NLRP4: variants seen among roughly 807,000 people sequenced by gnomAD.
The protein encoded by NLRP4 is NACHT, LRR and PYD domains-containing protein 4.
Under a neutral mutation model 84.7 loss-of-function variants are expected in NLRP4, and 44 were observed. That is an observed-to-expected ratio of 0.52 (90% CI 0.41 to 0.67). The LOEUF (loss-of-function observed/expected upper bound fraction) is 0.67, where lower values mean the gene tolerates loss of function less well. NLRP4 is among the 30% of genes least tolerant of loss of function. The pLI, the probability that NLRP4 is intolerant of heterozygous loss-of-function variation, is 0.00. For synonymous variants in NLRP4, 544 were observed against 476.4 expected (o/e 1.14, Z -1.85); for missense variants, 1,260 against 1,219.4 (o/e 1.03, Z -0.50).
chr19:55,849,994 A>G lies in NLRP4; in HGVS notation c.-65-2022A>G, dbSNP rs201288679. ...CCGTAGCTGCGGTGTAATTTCCGAG[A>G]CTGCGGTGTGATTTCCGAGACTGCG... On this transcript the variant is annotated intron_variant, in intron 1 of 9. Coordinates refer to ENST00000301295, the MANE Select transcript of NLRP4 (RefSeq NM_134444.5). Among the ~76,000 whole-genome samples the G allele has an allele frequency of 6.8e-3, 69 of 10,200 alleles. 3 individuals carry two copies. The highest frequency in any genetic ancestry group is 0.05 in the South Asian group (19 of 380). 6.7% of individuals were successfully genotyped at this position (10,200 alleles called of 152,430 possible).
chr19:55,877,035 C>T lies in NLRP4; in HGVS notation c.2565C>T (p.Asp855=), dbSNP rs1985398857. The T allele has an allele frequency of 1.2e-6, 2 of 1,613,844 alleles. No individual in the cohort carries two copies. Among genetic ancestry groups the T allele is most frequent in the African/African-American group, 1.3e-5 (1 of 74,894 alleles). Residue 855 remains aspartate, a synonymous_variant, in exon 8 of 10, where the codon GAC becomes GAT. Transcript: ENST00000301295. ...TTATCACTGCTGCTGGCTGTGAAGA[C>T]CTCGCCTCTGCTCTCATCAGCAATC... The part of the protein sequence containing the change: ...KCFITAAGCE[D]LASALISNQN...
At chr19:55,842,739 A>C (rs1983657731) in intron 1 of NLRP4, among the ~76,000 whole-genome samples, 1 of 150,964 alleles carries the variant, frequency 6.6e-6, no homozygotes, top group South Asian at 2.1e-4. Context: ...TTATCTGCAA[A>C]TGTCTACTTT....
intron 8 of NLRP4, among the ~76,000 whole-genome samples, chr19:55,878,122 T>G (rs1985438489): frequency 6.6e-6 from 1 of 152,184 alleles, no homozygotes; most frequent in Non-Finnish European, 1.5e-5. Flanking sequence ...CCATAAAAAT[T>G]AGCCAGGCGT....
intron 1 of NLRP4, among the ~76,000 whole-genome samples, chr19:55,849,264 G>C (rs1240154942): frequency 6.6e-6 from 1 of 152,158 alleles, no homozygotes; most frequent in African/African-American, 2.4e-5. Flanking sequence ...AGTGGTCTTA[G>C]AAACCAAGAG....
chr19:55,846,027 A>C (rs996744684), intron 1 of NLRP4, among the ~76,000 whole-genome samples: 1 of 152,154 alleles, frequency 6.6e-6, no homozygotes, highest in Non-Finnish European at 1.5e-5. Flanking sequence ...CTTTAGTTTA[A>C]TTAGATCCCA....
intron 6 of NLRP4, among the ~76,000 whole-genome samples, chr19:55,869,705 C>A (rs936967184): frequency 6.6e-6 from 1 of 152,004 alleles, no homozygotes; most frequent in Non-Finnish European, 1.5e-5. Flanking sequence ...ATATGTGGTT[C>A]GTTCATCACT....
At chr19:55,839,316 T>TGTGTGTGTGTGTGTGTGTGTGTGC (rs1418352680) in intron 1 of NLRP4, among the ~76,000 whole-genome samples, 3 of 152,126 alleles carry the variant, frequency 2.0e-5, no homozygotes, top group African/African-American at 7.2e-5. Context: ...TGAGTGTGTG[T>TGTGTGTGTGTGTGTGTGTGTGTGC]GTGTGCTCTT....
intron 1 of NLRP4, among the ~76,000 whole-genome samples, chr19:55,851,769 A>G (rs940542341): frequency 4.0e-5 from 6 of 151,252 alleles, no homozygotes; most frequent in African/African-American, 1.5e-4. Context: ...TAAAGTCTAT[A>G]TTTGCCTGGA....
At chr19:55,872,023 T>C (rs1282521045) in intron 7 of NLRP4, among the ~76,000 whole-genome samples, 1 of 151,980 alleles carries the variant, frequency 6.6e-6, no homozygotes, top group Non-Finnish European at 1.5e-5. Flanking sequence ...AATTTTTTTG[T>C]ATTTTTAGTA....
rs762952821 is a variant in NLRP4, at chr19:55,852,240, G to A, written c.160G>A (p.Glu54Lys). 6.2e-6 allele frequency: 10 copies of A among 1,609,756 alleles called. No homozygotes were observed. Among genetic ancestry groups the A allele is most frequent in the Non-Finnish European group, 7.6e-6 (9 of 1,178,878 alleles). The change falls in exon 2 of 10, where the codon GAA (glutamate) becomes AAA (lysine). Residue 54 changes from glutamate to lysine, a missense_variant. By Grantham distance (56) the Glu-to-Lys change is moderately conservative (BLOSUM62 1). Coordinates refer to ENST00000301295, the MANE Select transcript of NLRP4 (RefSeq NM_134444.5). ...TGAGGTCAAAAAAGCATCCCGGGAA[G>A]AACTTGCAAACCTCTTGATCAAGCA... ...WTEVKKASRE[E>K]LANLLIKHYE... is the part of the protein sequence containing the mutation.
At chr19:55,876,226 GGATAGACC>G (rs1428723527) in intron 7 of NLRP4, among the ~76,000 whole-genome samples, 2 of 152,150 alleles carry the variant, frequency 1.3e-5, no homozygotes, top group African/African-American at 4.8e-5. Context: ...TGCAGAGAGA[GGATAGACC>G]TCCAACAAAC....
At chr19:55,878,740 C>G in intron 8 of NLRP4, 54 bp from the exon 9 acceptor site, 1 of 1,519,672 alleles carries the variant, frequency 6.6e-7, no homozygotes, top group Non-Finnish European at 8.9e-7. Flanking sequence ...ACATCCCATC[C>G]TACCTCCACC....
At chr19:55,844,007 C>G (rs954721287) in intron 1 of NLRP4, among the ~76,000 whole-genome samples, 1 of 152,116 alleles carries the variant, frequency 6.6e-6, no homozygotes, top group Admixed American at 6.5e-5. Flanking sequence ...GATACTAACA[C>G]ATTGTATTAG....
intron 1 of NLRP4, among the ~76,000 whole-genome samples, chr19:55,848,747 T>A (rs1983900948): frequency 6.6e-6 from 1 of 152,192 alleles, no homozygotes; most frequent in South Asian, 2.1e-4. Flanking sequence ...ACCCACATGA[T>A]ACGGTTTGGC....
At position 55,845,026 on chromosome 19, in the gene NLRP4, C is replaced by CT. The variant is rs1293520595; in HGVS notation, c.-65-6982dup. Among the ~76,000 whole-genome samples, 9 of 151,980 alleles carry CT rather than the reference C, an allele frequency of 5.9e-5. No individual in the cohort carries two copies. In the South Asian group the frequency reaches 1.5e-3, roughly 25 times the overall value. On this transcript the variant is annotated intron_variant, in intron 1 of 9. Transcript: ENST00000301295. ...TTTCAGCCTGTGGCAAGAGGCTACA[C>CT]TTTTTTTTAATTATTATACTTTAAG... is the stretch of plus-strand genomic sequence containing the variant.
In NLRP4 at chr19:55,858,916, A is replaced by G. The variant is rs1308306446; in HGVS notation, c.1523A>G (p.Asn508Ser). 11 of 1,613,960 alleles carry G rather than the reference A, an allele frequency of 6.8e-6. No individual in the cohort carries two copies. The highest frequency in any genetic ancestry group is 1.3e-5 in the African/African-American group (1 of 74,916). Reference sequence around the variant, plus strand: ...GGGTGTTTTCTAACTGGCCTTTTAAATAAAAAGGAACAAGAAAAACTGGAT... The same window carrying G: ...GGGTGTTTTCTAACTGGCCTTTTAAGTAAAAAGGAACAAGAAAAACTGGAT... ...FLGCFLTGLL[N>S]KKEQEKLDAF... Residue 508 changes from asparagine (N) to serine (S), a missense_variant, in exon 3 of 10, where the codon AAT (asparagine) becomes AGT (serine). Coordinates refer to ENST00000301295, the MANE Select transcript of NLRP4 (RefSeq NM_134444.5). The surrounding 1 kb of genome is among the most constrained non-coding windows in gnomAD (Gnocchi z 4.2).
intron 7 of NLRP4, among the ~76,000 whole-genome samples, chr19:55,875,668 TGAAAA>T (rs905416111): frequency 6.6e-6 from 1 of 152,150 alleles, no homozygotes; most frequent in African/African-American, 2.4e-5. Context: ...GAGTTGAACT[TGAAAA>T]GTAAATTTTA....
chr19:55,852,593 C>T (rs1193150325), intron 2 of NLRP4, among the ~76,000 whole-genome samples: 1 of 151,582 alleles, frequency 6.6e-6, no homozygotes, highest in Non-Finnish European at 1.5e-5. Flanking sequence ...TCTCCTGCCT[C>T]AGCCTCCTGA....
intron 1 of NLRP4, among the ~76,000 whole-genome samples, chr19:55,844,528 G>A (rs536714403): frequency 1.1e-4 from 16 of 152,182 alleles, no homozygotes; most frequent in Admixed American, 4.6e-4. Flanking sequence ...CGCCCACCTT[G>A]GCCTCCCAAA....
Sources: gnomAD v4.1 joint callset for allele counts (sites outside exome capture counted in the v4.1 genomes callset) on GRCh38, gnomAD v4.1.1 for gene constraint, Gnocchi (gnomAD v3.1) non-coding constraint, MANE v1.5 for transcripts, NCBI Gene and HGNC (gene_info 2026-07-23, HGNC 2026-07-21) for gene names.